Variants in POU6F2 observed in about 807,000 individuals in gnomAD.
The protein encoded by POU6F2 is POU domain, class 6, transcription factor 2.
POU6F2 carries 31 observed loss-of-function variants against 71.3 expected under a neutral mutation model. The observed-to-expected ratio is 0.43, with a 90% confidence interval of 0.33 to 0.59. The LOEUF is 0.59. Ranked by LOEUF, POU6F2 falls within the 20% of genes least tolerant of loss-of-function variation. The probability of loss-of-function intolerance (pLI) is 0.04; values close to 1 mark genes in which losing one functional copy is unlikely to be tolerated. For missense variants in POU6F2, 783 were observed against 856.8 expected, an observed-to-expected ratio of 0.91 and a Z score of 1.07; for synonymous variants, 347 against 355.7, an observed-to-expected ratio of 0.98 and a Z score of 0.27.
chr7:39,414,223 A>G (rs1263068888), intron 6 of POU6F2, among the ~76,000 whole-genome samples: 2 of 152,254 alleles, frequency 1.3e-5, no homozygotes, highest in African/African-American at 4.8e-5. Context: ...AAATCAGAAC[A>G]GAACCTCTTC....
At chr7:39,194,505 A>G (rs942752685) in intron 2 of POU6F2, among the ~76,000 whole-genome samples, 1 of 152,176 alleles carries the variant, frequency 6.6e-6, no homozygotes, top group Non-Finnish European at 1.5e-5. Flanking sequence ...AAACACACCA[A>G]TCAGCACTCT....
chr7:39,086,123 A>C, intron 2 of POU6F2, 92 bp downstream of exon 2: 1 of 1,228,546 alleles, frequency 8.1e-7, no homozygotes, highest in Non-Finnish European at 1.1e-6. Flanking sequence ...TCTGTTGTTC[A>C]TTCAGTTTTC....
intron 4 of POU6F2, among the ~76,000 whole-genome samples, chr7:39,233,161 T>C (rs934927694): frequency 1.6e-4 from 24 of 152,214 alleles, no homozygotes; most frequent in African/African-American, 5.5e-4. Context: ...GCCCACATTC[T>C]CAATATTATA....
At chr7:39,018,484 TATTA>T (rs1236420457) in intron 1 of POU6F2, among the ~76,000 whole-genome samples, 1 of 151,924 alleles carries the variant, frequency 6.6e-6, no homozygotes, top group East Asian at 1.9e-4. Flanking sequence ...GGTGCAGAAA[TATTA>T]ATCAGCTTAA....
At chr7:39,034,683 T>C (rs1790019850) in intron 1 of POU6F2, among the ~76,000 whole-genome samples, 1 of 152,138 alleles carries the variant, frequency 6.6e-6, no homozygotes, top group Non-Finnish European at 1.5e-5. Context: ...GAGCTTCAAA[T>C]GCGGGTTGGC....
At chr7:39,461,956 C>T (rs996559436) in intron 9 of POU6F2, among the ~76,000 whole-genome samples, 6 of 152,214 alleles carry the variant, frequency 3.9e-5, no homozygotes, top group Non-Finnish European at 5.9e-5. Context: ...AATACCATTG[C>T]TCCCTGTTGG....
intron 4 of POU6F2, among the ~76,000 whole-genome samples, chr7:39,311,601 G>C (rs900144933): frequency 6.6e-6 from 1 of 152,202 alleles, no homozygotes; most frequent in African/African-American, 2.4e-5. Context: ...ATTAGTGGAT[G>C]GGTGGATAAA....
intron 2 of POU6F2, among the ~76,000 whole-genome samples, chr7:39,182,243 C>T (rs561552803): frequency 1.3e-5 from 2 of 152,252 alleles, no homozygotes; most frequent in East Asian, 3.9e-4. Context: ...CCACTTCATT[C>T]TATTATATAT....
chr7:39,142,804 G>A (rs916150140), intron 2 of POU6F2, among the ~76,000 whole-genome samples: 5 of 152,104 alleles, frequency 3.3e-5, no homozygotes, highest in Non-Finnish European at 4.4e-5. Flanking sequence ...ATTCATTCCC[G>A]AGTTAATGAA....
Position 39,306,815 on chromosome 7 carries a change from G to A in POU6F2, c.599-32827G>A, listed in dbSNP as rs75167528. Among the ~76,000 whole-genome samples the A allele has an allele frequency of 4.9e-4, 75 of 152,348 alleles. No homozygotes were observed. The East Asian group carries it at 9.6e-3, about 20-fold the overall frequency. On this transcript the variant is annotated intron_variant, in intron 4 of 9. Transcript: ENST00000518318. ...GATTTTATATACTAATCCTTGGATA[G>A]GAGACCTCTGGCCAAACTGGAGTTG...
intron 5 of POU6F2, among the ~76,000 whole-genome samples, chr7:39,383,076 A>C (rs1562809972): frequency 6.6e-6 from 1 of 152,222 alleles, no homozygotes; most frequent in Admixed American, 6.5e-5. Context: ...CGCATTGCCA[A>C]GGAGAACTGC....
intron 7 of POU6F2, among the ~76,000 whole-genome samples, chr7:39,447,008 TGGG>T (rs1788539655): frequency 1.3e-5 from 2 of 152,148 alleles, no homozygotes; most frequent in South Asian, 4.1e-4. Flanking sequence ...AGAGTAAGTT[TGGG>T]GGTAGTACAG....
intron 1 of POU6F2, among the ~76,000 whole-genome samples, chr7:39,029,596 C>T (rs1014392000): frequency 9.2e-5 from 14 of 151,790 alleles, no homozygotes; most frequent in South Asian, 4.2e-4. Context: ...GCATTCTACC[C>T]GTGTAACAAA....
intron 5 of POU6F2, among the ~76,000 whole-genome samples, chr7:39,399,830 A>G (rs902375681): frequency 4.8e-4 from 72 of 151,438 alleles, no homozygotes; most frequent in African/African-American, 1.7e-3. Context: ...AGCCTGGGCA[A>G]CAAAGGGAGA....
intron 4 of POU6F2, among the ~76,000 whole-genome samples, chr7:39,323,070 TCTG>T (rs1785429092): frequency 6.6e-6 from 1 of 151,546 alleles, no homozygotes; most frequent in Non-Finnish European, 1.5e-5. Flanking sequence ...TTAGTGAACA[TCTG>T]CTATATGCAG....
At position 39,207,584 on chromosome 7, in the gene POU6F2, G is replaced by A. The variant is rs752325049; in HGVS notation, c.562G>A (p.Gly188Arg). 25 of 1,613,846 alleles carry A rather than the reference G, an allele frequency of 1.5e-5. No homozygotes were observed. Among genetic ancestry groups the A allele is most frequent in the African/African-American group, 8.0e-5 (6 of 74,952 alleles). ...AGGGCTGGTGGCAGCAGCTGCAGCCGGAGGCATTATGACTCTGCCACTGCA... is the reference window on the plus strand; with the variant it reads ...AGGGCTGGTGGCAGCAGCTGCAGCCAGAGGCATTATGACTCTGCCACTGCA... ...IQGLVAAAAA[G>R]GIMTLPLQNL... is the part of the protein sequence containing the mutation. Residue 188 changes from glycine to arginine, a missense_variant, in exon 4 of 10, where the codon GGA becomes AGA. Physicochemically the swap from Gly to Arg is moderately radical, Grantham distance 125. Around this residue, in one of 2 missense-constraint regions of POU6F2, gnomAD observed 572 missense variants for 572.9 expected, o/e 1.00. Coordinates refer to ENST00000518318, the MANE Select transcript of POU6F2 (RefSeq NM_001370959.1).
chr7:39,452,114 C>A (rs1788675197), intron 8 of POU6F2, among the ~76,000 whole-genome samples: 1 of 152,172 alleles, frequency 6.6e-6, no homozygotes, highest in Admixed American at 6.5e-5. Context: ...CCCTGCCATT[C>A]TATTTGTAGG....
Position 39,101,462 on chromosome 7 carries a change from TG to T in POU6F2, c.277+15433del, listed in dbSNP as rs1332400329. On this transcript the variant is annotated intron_variant, in intron 2 of 9. Coordinates refer to ENST00000518318, the MANE Select transcript of POU6F2 (RefSeq NM_001370959.1). ...CTAGGCAAGATTTTTTTTTTTTTTTTGGTACAGATTTCTCTTATATGTTCCA... is the reference window on the plus strand; with the variant it reads ...CTAGGCAAGATTTTTTTTTTTTTTTTGTACAGATTTCTCTTATATGTTCCA... Among the ~76,000 whole-genome samples, 477 of 147,962 alleles carry T rather than the reference TG, an allele frequency of 3.2e-3. 3 individuals are homozygous for T. Among genetic ancestry groups the T allele is most frequent in the East Asian group, 6.2e-3 (30 of 4,810 alleles).
At chr7:39,307,963 A>C (rs1048290490) in intron 4 of POU6F2, among the ~76,000 whole-genome samples, 1 of 152,152 alleles carries the variant, frequency 6.6e-6, no homozygotes, top group Non-Finnish European at 1.5e-5. Context: ...TCAAAAAAAA[A>C]AAAAAGAGTT....
Sources: allele counts gnomAD v4.1 joint callset (sites outside exome capture counted in the v4.1 genomes callset), GRCh38; gene constraint gnomAD v4.1.1; regional missense constraint gnomAD v4.1.1; transcripts MANE v1.5; gene names NCBI Gene and HGNC (gene_info 2026-07-23, HGNC 2026-07-21).